ZNF652: variants seen among roughly 807,000 people sequenced by gnomAD.
The protein encoded by ZNF652 is zinc finger protein 652.
In ZNF652, 16 loss-of-function variants were observed where a neutral mutation model predicts 45.2. That is an observed-to-expected ratio of 0.35 (90% confidence interval 0.24 to 0.54). The LOEUF (loss-of-function observed/expected upper bound fraction) is 0.54, where lower values mean the gene tolerates loss of function less well. Ranked by LOEUF, ZNF652 falls within the 20% of genes least tolerant of loss-of-function variation. The pLI is 0.91. For synonymous variants in ZNF652, 250 were observed against 260.6 expected (o/e 0.96, Z 0.39); for missense variants, 614 against 765.6 (o/e 0.80, Z 2.34).
chr17:49,299,847 CTTTT>C, intron 5 of ZNF652, among the ~76,000 whole-genome samples: 1 of 135,424 alleles, frequency 7.4e-6, no homozygotes, highest in East Asian at 2.1e-4. Context: ...GCCTGGCTAT[CTTTT>C]TTTTTTTTTT....
At chr17:49,339,498 T>A (rs906436770) in intron 1 of ZNF652, among the ~76,000 whole-genome samples, 3 of 152,108 alleles carry the variant, frequency 2.0e-5, no homozygotes, top group South Asian at 2.1e-4. Context: ...AACAGTCAAG[T>A]AAACCTCGTG....
Position 49,298,361 on chromosome 17 carries a change from A to AC in ZNF652, c.*51dup. The AC allele has an allele frequency of 6.2e-7, 1 of 1,604,898 alleles. No individual in the cohort carries two copies. The highest frequency in any genetic ancestry group is 1.1e-5 in the South Asian group (1 of 89,922). ...AAATGCTCACCGACTCCCTCTGTGC[A>AC]CGCTCACACATGGGGACGTGTCTCC... On this transcript the variant is annotated 3_prime_UTR_variant, in exon 6 of 6. Coordinates refer to ENST00000430262, the MANE Select transcript of ZNF652 (RefSeq NM_001145365.3).
chr17:49,333,722 G>GAAAAAAAAAAA (rs749640282), intron 1 of ZNF652, among the ~76,000 whole-genome samples: 1 of 56,572 alleles, frequency 1.8e-5, no homozygotes, highest in Non-Finnish European at 3.5e-5. Context: ...TCTGTCTCAA[G>GAAAAAAAAAAA]AAAAAAAAAA....
intron 5 of ZNF652, among the ~76,000 whole-genome samples, chr17:49,309,730 T>C (rs910818618): frequency 2.0e-5 from 3 of 152,148 alleles, no homozygotes; most frequent in Non-Finnish European, 4.4e-5. Context: ...CATTTTCTTT[T>C]CAGGTCTAAT....
chr17:49,311,137 A>G (rs1343990405), intron 5 of ZNF652, among the ~76,000 whole-genome samples, 175 bp downstream of exon 5: 1 of 152,230 alleles, frequency 6.6e-6, no homozygotes, highest in African/African-American at 2.4e-5. Flanking sequence ...ATCAGTTATT[A>G]AAGTTAAATT....
In ZNF652 at chr17:49,312,679, G is replaced by A. The variant is rs759532116; in HGVS notation, c.1048+19C>T. On this transcript the variant is annotated intron_variant, in intron 3 of 5. Transcript: ENST00000430262. Reference sequence around the variant, plus strand: ...ACAAGGGAAAATTATAGGTATAAGAGAAAAGCAGAAAAACTTACCAACCAT... The same window carrying A: ...ACAAGGGAAAATTATAGGTATAAGAAAAAAGCAGAAAAACTTACCAACCAT... 6.2e-7 allele frequency: 1 copy of A among 1,610,158 alleles called. No individual in the cohort carries two copies. The highest frequency in any genetic ancestry group is 2.2e-5 in the East Asian group (1 of 44,862).
intron 1 of ZNF652, among the ~76,000 whole-genome samples, chr17:49,322,919 G>A (rs1253634587): frequency 6.6e-6 from 1 of 152,118 alleles, no homozygotes; most frequent in Non-Finnish European, 1.5e-5. Flanking sequence ...AAATGTTAGC[G>A]ATTATCTGAT....
At chr17:49,361,792 G>A (rs1019722165) in intron 1 of ZNF652, 117 bp downstream of exon 1, 1 of 151,902 alleles carries the variant, frequency 6.6e-6, no homozygotes. Context: ...CTGCCTCGGC[G>A]AAGGGTTACG....
At position 49,293,488 on chromosome 17, in the gene ZNF652, T is replaced by G. The variant is rs767476426; in HGVS notation, c.*4925A>C. On this transcript the variant is annotated 3_prime_UTR_variant, in exon 6 of 6. Coordinates refer to ENST00000430262, the MANE Select transcript of ZNF652 (RefSeq NM_001145365.3). ...TTGATGGCAACTTTTATGGCTTCCA[T>G]AGAAAGTGTAGAGAGGATCTCTGGT... 6.6e-6 allele frequency among the ~76,000 whole-genome samples: 1 copy of G among 152,086 alleles called. No homozygotes were observed. Among genetic ancestry groups the G allele is most frequent in the Non-Finnish European group, 1.5e-5 (1 of 67,992 alleles).
chr17:49,313,677 G>A (rs760750489), intron 2 of ZNF652, among the ~76,000 whole-genome samples: 4 of 151,940 alleles, frequency 2.6e-5, no homozygotes, highest in Non-Finnish European at 4.4e-5. Flanking sequence ...TTATGCCTTA[G>A]AAAATGCATT....
intron 5 of ZNF652, among the ~76,000 whole-genome samples, chr17:49,307,435 G>GAA (rs1175854049): frequency 0.057 from 2,291 of 40,468 alleles, 202 homozygotes; most frequent in African/African-American, 0.14. Context: ...TGTCTCAAAA[G>GAA]AAAAAAAAAA....
At chr17:49,351,010 TATATACACACACACAC>T (rs1174403242) in intron 1 of ZNF652, among the ~76,000 whole-genome samples, 9 of 19,656 alleles carry the variant, frequency 4.6e-4, no homozygotes, top group Admixed American at 2.9e-3. Context: ...TATATATATA[TATATACACACACACAC>T]ACACACACAC....
intron 5 of ZNF652, among the ~76,000 whole-genome samples, chr17:49,304,882 A>G (rs999443347): frequency 7.1e-4 from 103 of 144,482 alleles, no homozygotes; most frequent in East Asian, 2.2e-3. Flanking sequence ...ATATGTGTAT[A>G]TATATATATA....
intron 5 of ZNF652, among the ~76,000 whole-genome samples, chr17:49,300,731 C>T (rs1298549266): frequency 6.6e-6 from 1 of 152,132 alleles, no homozygotes. Flanking sequence ...CCTTGCTGCT[C>T]CCTCTTCTCT....
chr17:49,338,832 A>G (rs1228652633), intron 1 of ZNF652, among the ~76,000 whole-genome samples: 3 of 152,224 alleles, frequency 2.0e-5, no homozygotes, highest in Non-Finnish European at 4.4e-5. Context: ...GAAGAAAAGG[A>G]TAACAATGAA....
At chr17:49,305,107 C>T (rs1313484865) in intron 5 of ZNF652, among the ~76,000 whole-genome samples, 1 of 152,148 alleles carries the variant, frequency 6.6e-6, no homozygotes, top group African/African-American at 2.4e-5. Context: ...TTATACCCCA[C>T]ATCTGGGACT....
chr17:49,341,974 T>A (rs1197824310), intron 1 of ZNF652, among the ~76,000 whole-genome samples: 1 of 152,096 alleles, frequency 6.6e-6, no homozygotes, highest in African/African-American at 2.4e-5. Context: ...TCGCCTGAGA[T>A]CAGGAGTTCG....
At position 49,314,324 on chromosome 17, in the gene ZNF652, G is replaced by T. The variant is rs952898904; in HGVS notation, c.901-1479C>A. On this transcript the variant is annotated intron_variant, in intron 2 of 5. Transcript: ENST00000430262. Reference sequence around the variant, plus strand: ...CTACAGGTGCGTGCCACCATGCCTGGCTAATTTTTGTATTTTTAGCAGAGA... The same window carrying T: ...CTACAGGTGCGTGCCACCATGCCTGTCTAATTTTTGTATTTTTAGCAGAGA... 6.6e-5 allele frequency among the ~76,000 whole-genome samples: 10 copies of T among 151,802 alleles called. 1 individual carries two copies. The highest frequency in any genetic ancestry group is 1.0e-4 in the Non-Finnish European group (7 of 67,972).
chr17:49,336,671 G>A (rs1033226902), intron 1 of ZNF652, among the ~76,000 whole-genome samples: 3 of 150,018 alleles, frequency 2.0e-5, no homozygotes, highest in Non-Finnish European at 3.0e-5. Context: ...CTGTCACCCA[G>A]GCTGGAGTAC....
Sources: gnomAD v4.1 joint callset for allele counts (sites outside exome capture counted in the v4.1 genomes callset) on GRCh38, gnomAD v4.1.1 for gene constraint, MANE v1.5 for transcripts, NCBI Gene and HGNC (gene_info 2026-07-23, HGNC 2026-07-21) for gene names.